ASXL1: variants seen among roughly 807,000 people sequenced by gnomAD.
ASXL1 encodes the protein polycomb group protein ASXL1.
ASXL1 carries 65 observed loss-of-function variants against 89.1 expected under a neutral mutation model. The ratio of observed to expected loss-of-function variants is 0.73; its 90% CI spans 0.60 to 0.90. The LOEUF is 0.90. ASXL1 is among the 40% of genes least tolerant of loss of function. ASXL1 has a pLI of 0.00. For synonymous variants in ASXL1, 739 were observed against 746.9 expected (o/e 0.99, Z 0.17); for missense variants, 1,786 against 1,942.9 (o/e 0.92, Z 1.52).
intron 2 of ASXL1, among the ~76,000 whole-genome samples, chr20:32,367,336 C>T (rs2048222655): frequency 6.6e-6 from 1 of 152,158 alleles, no homozygotes; most frequent in South Asian, 2.1e-4. Flanking sequence ...GCCGAGATTG[C>T]ACCACTGCAC....
Position 32,429,689 on chromosome 20 carries a change from C to A in ASXL1, c.566-212C>A. 1 of 715,358 alleles carries A rather than the reference C, an allele frequency of 1.4e-6. No homozygotes were observed. The highest frequency in any genetic ancestry group is 2.3e-6 in the Non-Finnish European group (1 of 438,382). 44.3% of individuals were successfully genotyped at this position (715,358 alleles called of 1,614,324 possible). On this transcript the variant is annotated intron_variant, in intron 7 of 12. Coordinates refer to ENST00000375687, the MANE Select transcript of ASXL1 (RefSeq NM_015338.6). The surrounding 1 kb of genome is among the most constrained non-coding windows in gnomAD (Gnocchi z 4.9). ...CCAGTGCTTTGTAAAAGGTGTAGTG[C>A]TATACAAATAAAGATGGCAGTTTGG...
intron 4 of ASXL1, among the ~76,000 whole-genome samples, chr20:32,397,322 G>A (rs1346568590): frequency 2.5e-5 from 3 of 118,126 alleles, no homozygotes; most frequent in South Asian, 2.9e-4. Flanking sequence ...GTCTGGTCTC[G>A]AACTCTTGAC....
At chr20:32,389,188 A>G (rs530879246) in intron 4 of ASXL1, among the ~76,000 whole-genome samples, 1 of 152,306 alleles carries the variant, frequency 6.6e-6, no homozygotes, top group East Asian at 1.9e-4. Flanking sequence ...CTGCTTTAAA[A>G]TATATTTTTA....
chr20:32,399,264 TA>T (rs1007170236), intron 4 of ASXL1, among the ~76,000 whole-genome samples: 35 of 152,220 alleles, frequency 2.3e-4, no homozygotes, highest in African/African-American at 7.7e-4. Flanking sequence ...TTCAATACTT[TA>T]AAGATGATAT....
At chr20:32,416,301 C>T (rs2049137122) in intron 4 of ASXL1, among the ~76,000 whole-genome samples, 2 of 151,990 alleles carry the variant, frequency 1.3e-5, no homozygotes, top group Admixed American at 1.3e-4. Flanking sequence ...ACCCCTTAAC[C>T]AACTTCTATT....
In ASXL1 at chr20:32,436,508, C is replaced by A; in HGVS notation, c.3796C>A (p.Leu1266Ile). The A allele has an allele frequency of 6.2e-7, 1 of 1,614,234 alleles. No individual in the cohort carries two copies. The highest frequency in any genetic ancestry group is 8.5e-7 in the Non-Finnish European group (1 of 1,180,044). The change falls in exon 13 of 13, where the codon CTT becomes ATT. Residue 1266 changes from leucine to isoleucine, a missense_variant. By Grantham distance (5) the Leu-to-Ile change is conservative (BLOSUM62 2). Transcript: ENST00000375687. ...TGCTCCAGGAAAGAGCCCAGGAGAT[C>A]TTACTACCTCGAGAACACCTCGTTT... is the stretch of plus-strand genomic sequence containing the variant. Reference protein sequence around the residue: ...NAAPGKSPGDLTTSRTPRFSS... With the variant: ...NAAPGKSPGDITTSRTPRFSS...
chr20:32,393,362 G>A (rs2048705509), intron 4 of ASXL1, among the ~76,000 whole-genome samples: 1 of 152,098 alleles, frequency 6.6e-6, no homozygotes, highest in African/African-American at 2.4e-5. Context: ...GTGTCTTTAT[G>A]TTTAAAGTGG....
chr20:32,437,579 G>T lies in ASXL1; in HGVS notation c.*241G>T. 1.8e-6 allele frequency: 1 copy of T among 566,336 alleles called. No individual in the cohort carries two copies. Among genetic ancestry groups the T allele is most frequent in the Non-Finnish European group, 3.1e-6 (1 of 324,930 alleles). The allele number at this position is 566,336 out of a possible 1,614,324, so 35.1% of individuals were successfully genotyped here. ...AAGGCCAGCCAGCCTGAGCTCTCCT[G>T]CAAGACAGAGCCTGATGTGGCACGG... On this transcript the variant is annotated 3_prime_UTR_variant, in exon 13 of 13. Coordinates refer to ENST00000375687, the MANE Select transcript of ASXL1 (RefSeq NM_015338.6).
chr20:32,432,394 A>G (rs956860671), intron 10 of ASXL1: 1 of 192,006 alleles, frequency 5.2e-6, no homozygotes, highest in Non-Finnish European at 1.1e-5. Context: ...CTGATCATGT[A>G]GGAAGCCACT....
At chr20:32,426,955 A>G (rs2011328535) in intron 4 of ASXL1, 1 of 152,188 alleles carries the variant, frequency 6.6e-6, no homozygotes, top group African/African-American at 2.4e-5. Context: ...GACTCATGAA[A>G]TTGATGAGTT....
At chr20:32,360,204 C>T (rs2048087169) in intron 1 of ASXL1, 1 of 179,418 alleles carries the variant, frequency 5.6e-6, no homozygotes. Context: ...TTGGTGCTTG[C>T]TATCCTCTTC....
chr20:32,407,738 G>A (rs2048979969), intron 4 of ASXL1, among the ~76,000 whole-genome samples: 1 of 152,024 alleles, frequency 6.6e-6, no homozygotes, highest in Admixed American at 6.6e-5. Flanking sequence ...GTGCTGGTGA[G>A]CCACCATGCC....
intron 4 of ASXL1, among the ~76,000 whole-genome samples, chr20:32,408,134 T>C (rs2048986184): frequency 6.6e-6 from 1 of 152,048 alleles, no homozygotes; most frequent in African/African-American, 2.4e-5. Context: ...GGTTTTACCA[T>C]GTTTGCCAGC....
At chr20:32,359,888 C>G in intron 1 of ASXL1, 1 of 714,972 alleles carries the variant, frequency 1.4e-6, no homozygotes, top group Admixed American at 2.0e-5. Flanking sequence ...ACAGGTTATA[C>G]TAAGATGTCA....
At chr20:32,378,856 G>A (rs145383676) in intron 4 of ASXL1, among the ~76,000 whole-genome samples, 2 of 151,872 alleles carry the variant, frequency 1.3e-5, no homozygotes, top group South Asian at 2.1e-4. Context: ...GGCCAGGCTC[G>A]GTGGCTCATG....
intron 1 of ASXL1, among the ~76,000 whole-genome samples, chr20:32,365,327 G>T (rs996679083): frequency 6.6e-6 from 1 of 152,136 alleles, no homozygotes; most frequent in African/African-American, 2.4e-5. Context: ...GGAAATAGGG[G>T]TTTTATTTTA....
intron 4 of ASXL1, among the ~76,000 whole-genome samples, chr20:32,413,265 G>C (rs1245660619): frequency 6.6e-6 from 1 of 152,138 alleles, no homozygotes; most frequent in South Asian, 2.1e-4. Context: ...GAATACACCG[G>C]AAACAATGAG....
intron 6 of ASXL1, chr20:32,428,762 G>T: frequency 3.4e-6 from 1 of 296,462 alleles, no homozygotes; most frequent in South Asian, 3.1e-5. Context: ...TGGGGTTCAA[G>T]CAATTCTCCT....
chr20:32,372,945 C>CTT (rs71187111), intron 4 of ASXL1, among the ~76,000 whole-genome samples: 12,107 of 136,436 alleles, frequency 0.089, 668 homozygotes, highest in Non-Finnish European at 0.13. Flanking sequence ...TTTTCTTTTT[C>CTT]TTTTTTTTTT....
Sources: gnomAD v4.1 joint callset for allele counts (sites outside exome capture counted in the v4.1 genomes callset) on GRCh38, gnomAD v4.1.1 for gene constraint, Gnocchi (gnomAD v3.1) non-coding constraint, MANE v1.5 for transcripts, NCBI Gene and HGNC (gene_info 2026-07-23, HGNC 2026-07-21) for gene names.